ENTREP2: variants seen among roughly 807,000 people sequenced by gnomAD.
The protein encoded by ENTREP2 is protein ENTREP2.
At chr15:29,623,263 T>C in the ENTREP2 span, among the ~76,000 whole-genome samples, 1 of 152,274 alleles carries the variant, frequency 6.6e-6, no homozygotes, top group East Asian at 1.9e-4. Flanking sequence ...GAGGAAAAGC[T>C]TGGCACCCCC....
At chr15:29,415,278 C>G in the ENTREP2 span, among the ~76,000 whole-genome samples, 1 of 152,176 alleles carries the variant, frequency 6.6e-6, no homozygotes, top group Admixed American at 6.5e-5. Flanking sequence ...CCGAATCCAG[C>G]AGCACATCAA....
chr15:29,408,855 T>C, the ENTREP2 span, among the ~76,000 whole-genome samples: 1 of 152,214 alleles, frequency 6.6e-6, no homozygotes, highest in Non-Finnish European at 1.5e-5. Flanking sequence ...ATTTGCTTCA[T>C]CTCTTTTTCT....
chr15:29,233,905 T>C, the ENTREP2 span: 2 of 1,576,482 alleles, frequency 1.3e-6, no homozygotes, highest in Non-Finnish European at 1.7e-6. Flanking sequence ...AGGATGTAGA[T>C]GGCTGAAGAA....
chr15:29,212,313 A>G, the ENTREP2 span, among the ~76,000 whole-genome samples: 3 of 152,218 alleles, frequency 2.0e-5, no homozygotes, highest in East Asian at 5.8e-4. Flanking sequence ...CAGTGGTGTC[A>G]GTTGTAATAC....
At chr15:29,415,628 T>A in the ENTREP2 span, among the ~76,000 whole-genome samples, 50 of 152,222 alleles carry the variant, frequency 3.3e-4, 1 homozygote, top group Admixed American at 3.3e-4. Context: ...CTATTCAACA[T>A]AGTGTTGGAA....
At chr15:29,400,576 C>A in the ENTREP2 span, among the ~76,000 whole-genome samples, 1 of 152,134 alleles carries the variant, frequency 6.6e-6, no homozygotes, top group Non-Finnish European at 1.5e-5. Context: ...TTAATCTCTA[C>A]GTTTCAACAT....
At chr15:29,639,784 T>TTTTTG in the ENTREP2 span, among the ~76,000 whole-genome samples, 1 of 149,366 alleles carries the variant, frequency 6.7e-6, no homozygotes. Context: ...TTTTTTTTTT[T>TTTTTG]TGAGACGAAG....
At chr15:29,508,805 G>A in the ENTREP2 span, among the ~76,000 whole-genome samples, 1 of 152,102 alleles carries the variant, frequency 6.6e-6, no homozygotes, top group Non-Finnish European at 1.5e-5. Context: ...ATACTGACTG[G>A]GCAAAAGCCG....
chr15:29,645,440 G>T, the ENTREP2 span, among the ~76,000 whole-genome samples: 23 of 152,294 alleles, frequency 1.5e-4, no homozygotes, highest in African/African-American at 4.8e-4. Flanking sequence ...CAGAAAGCAC[G>T]AATGTTGAAA....
chr15:29,621,855 G>A, the ENTREP2 span, among the ~76,000 whole-genome samples: 9 of 152,186 alleles, frequency 5.9e-5, no homozygotes, highest in Admixed American at 2.0e-4. Flanking sequence ...AAAAGTGGAA[G>A]CAAGCCAAGC....
chr15:29,129,979 G>A, the ENTREP2 span, among the ~76,000 whole-genome samples: 7 of 152,268 alleles, frequency 4.6e-5, no homozygotes, highest in African/African-American at 1.2e-4. Context: ...GGGCTCCTGC[G>A]ACTTGCTCTG....
chr15:29,555,437 A>AT, the ENTREP2 span, among the ~76,000 whole-genome samples: 2 of 152,194 alleles, frequency 1.3e-5, no homozygotes, highest in Non-Finnish European at 2.9e-5. Flanking sequence ...ACTGAATGGT[A>AT]TTTTTTTAAA....
the ENTREP2 span, among the ~76,000 whole-genome samples, chr15:29,565,650 A>C: frequency 6.6e-6 from 1 of 152,174 alleles, no homozygotes; most frequent in African/African-American, 2.4e-5. Context: ...CATTTTTGTA[A>C]ATTGTTTTTA....
At chr15:29,157,330 T>G in the ENTREP2 span, among the ~76,000 whole-genome samples, 1 of 152,134 alleles carries the variant, frequency 6.6e-6, no homozygotes, top group Non-Finnish European at 1.5e-5. Context: ...GTGTCCTCAT[T>G]CCCCTCTCCA....
chr15:29,472,513 G>A, the ENTREP2 span, among the ~76,000 whole-genome samples: 1 of 150,000 alleles, frequency 6.7e-6, no homozygotes, highest in Non-Finnish European at 1.5e-5. Flanking sequence ...TGCCCAGGCT[G>A]GAGTGCAATG....
chr15:29,661,070 G>C, the ENTREP2 span, among the ~76,000 whole-genome samples: 1 of 152,076 alleles, frequency 6.6e-6, no homozygotes, highest in African/African-American at 2.4e-5. Context: ...TTTTTTTGCT[G>C]ATTTGTAAAG....
chr15:29,514,575 G>A, the ENTREP2 span, among the ~76,000 whole-genome samples: 1 of 152,196 alleles, frequency 6.6e-6, no homozygotes, highest in South Asian at 2.1e-4. Flanking sequence ...GTTTTAAACA[G>A]AGCTGTCAGT....
the ENTREP2 span, among the ~76,000 whole-genome samples, chr15:29,531,910 C>T: frequency 3.9e-5 from 6 of 152,210 alleles, no homozygotes; most frequent in African/African-American, 1.4e-4. Flanking sequence ...AGGTGATCCA[C>T]CTGCCCCTAC....
the ENTREP2 span, among the ~76,000 whole-genome samples, chr15:29,346,160 G>T: frequency 2.0e-5 from 3 of 152,204 alleles, no homozygotes; most frequent in Non-Finnish European, 4.4e-5. Flanking sequence ...GAGGGTCCAG[G>T]CTGGCAGAAA....
Sources: allele counts gnomAD v4.1 joint callset (sites outside exome capture counted in the v4.1 genomes callset), GRCh38; gene constraint gnomAD v4.1.1; transcripts MANE v1.5; gene names NCBI Gene and HGNC (gene_info 2026-07-23, HGNC 2026-07-21).